Variants in SRBD1 observed in about 807,000 individuals in gnomAD.
SRBD1 encodes the protein S1 RNA-binding domain-containing protein 1.
SRBD1 carries 88 observed loss-of-function variants against 115.3 expected under a neutral mutation model. That is an observed-to-expected ratio of 0.76 (90% CI 0.64 to 0.91). SRBD1 has a LOEUF of 0.91. Ranked by LOEUF, SRBD1 falls within the 40% of genes least tolerant of loss-of-function variation. The probability of loss-of-function intolerance (pLI) is 0.00; values close to 1 mark genes in which losing one functional copy is unlikely to be tolerated. For missense variants in SRBD1, 1,385 were observed against 1,177.4 expected (o/e 1.18, Z -2.58); for synonymous variants, 509 against 407.7 (o/e 1.25, Z -2.99).
At chr2:45,397,396 T>C (rs900294065) in intron 19 of SRBD1, among the ~76,000 whole-genome samples, 69 of 152,208 alleles carry the variant, frequency 4.5e-4, no homozygotes, top group African/African-American at 1.6e-3. Context: ...ATATTAAAAA[T>C]TGAATATAAA....
chr2:45,517,548 C>A (rs900025234), intron 14 of SRBD1, among the ~76,000 whole-genome samples: 7 of 152,192 alleles, frequency 4.6e-5, no homozygotes, highest in African/African-American at 1.7e-4. Flanking sequence ...AGTCATCAAG[C>A]ATTAATCAGA....
At position 45,477,015 on chromosome 2, in the gene SRBD1, T is replaced by G. The variant is rs760087845; in HGVS notation, c.2027A>C (p.His676Pro). The change falls in exon 16 of 21, where the codon CAC (histidine) becomes CCC (proline). Residue 676 changes from histidine (H) to proline (P), a missense_variant. By Grantham distance (77) the His-to-Pro change is moderately conservative. Coordinates refer to ENST00000263736, the MANE Select transcript of SRBD1 (RefSeq NM_018079.5). ...TACCTGATACATTCCAACTCCAATG[T>G]GCTTTGGCTCAATTTTCACTAGCTC... ...LAELVKIEPKHIGVGMYQHDV... is the reference protein window; with the variant it reads ...LAELVKIEPKPIGVGMYQHDV... The G allele has an allele frequency of 1.7e-5, 28 of 1,613,790 alleles. No homozygotes were observed. Among genetic ancestry groups the G allele is most frequent in the Non-Finnish European group, 2.4e-5 (28 of 1,179,880 alleles).
chr2:45,523,209 A>G (rs1671339549), intron 14 of SRBD1, among the ~76,000 whole-genome samples: 1 of 151,806 alleles, frequency 6.6e-6, no homozygotes, highest in Non-Finnish European at 1.5e-5. Context: ...TATAGTTATA[A>G]ATGCCCATAT....
At chr2:45,400,230 G>T (rs1028049300) in intron 19 of SRBD1, among the ~76,000 whole-genome samples, 2 of 152,254 alleles carry the variant, frequency 1.3e-5, no homozygotes, top group Non-Finnish European at 1.5e-5. Flanking sequence ...GACAAGCTAA[G>T]ATTAAAATCC....
intron 4 of SRBD1, 110 bp from the exon 5 acceptor site, chr2:45,585,884 C>T: frequency 7.3e-6 from 6 of 827,394 alleles, no homozygotes; most frequent in Non-Finnish European, 1.0e-5. Flanking sequence ...TTAGAAACTA[C>T]TTGCTATAGT....
intron 4 of SRBD1, among the ~76,000 whole-genome samples, chr2:45,587,136 ATTTT>A (rs1038596780): frequency 7.6e-6 from 1 of 131,034 alleles, no homozygotes; most frequent in Non-Finnish European, 1.5e-5. Flanking sequence ...AATATTTAAA[ATTTT>A]TTAAATATTT....
chr2:45,541,807 T>A (rs957151247), intron 14 of SRBD1, among the ~76,000 whole-genome samples: 1 of 152,214 alleles, frequency 6.6e-6, no homozygotes, highest in African/African-American at 2.4e-5. Context: ...TAGCTGGTAG[T>A]CCCAACATTT....
At chr2:45,477,932 G>T (rs1669852091) in intron 15 of SRBD1, among the ~76,000 whole-genome samples, 1 of 149,698 alleles carries the variant, frequency 6.7e-6, no homozygotes, top group African/African-American at 2.5e-5. Flanking sequence ...TCCTTTAACT[G>T]TGTCATGATT....
At chr2:45,411,719 G>C (rs537724921) in intron 19 of SRBD1, among the ~76,000 whole-genome samples, 1 of 152,216 alleles carries the variant, frequency 6.6e-6, no homozygotes, top group Admixed American at 6.5e-5. Context: ...GAAAAAAATC[G>C]TAAAGAATTA....
At chr2:45,520,880 G>A (rs1671261252) in intron 14 of SRBD1, among the ~76,000 whole-genome samples, 1 of 152,192 alleles carries the variant, frequency 6.6e-6, no homozygotes, top group Non-Finnish European at 1.5e-5. Context: ...AAGTCCATGT[G>A]TAACCCAATT....
rs1394003821 is a variant in SRBD1, at chr2:45,414,765, ATATAGTATG to A, written c.2334-1481_2334-1473del. Among the ~76,000 whole-genome samples, 184 of 125,582 alleles carry A rather than the reference ATATAGTATG, an allele frequency of 1.5e-3. 8 individuals carry two copies. The highest frequency in any genetic ancestry group is 2.5e-3 in the African/African-American group (78 of 30,662). The allele number at this position is 125,582 out of a possible 152,430, so 82.4% of individuals were successfully genotyped here. A position where few individuals can be genotyped will look rare whatever the true frequency, so the allele number is the denominator to read the frequency against. ...TAGTATGTACACACACACAGTGTGTATATAGTATGTACACACACACATAGTGTGTATATA... is the reference window on the plus strand; with the variant it reads ...TAGTATGTACACACACACAGTGTGTATACACACACACATAGTGTGTATATA... On this transcript the variant is annotated intron_variant, in intron 18 of 20. Transcript: ENST00000263736.
At chr2:45,511,154 A>C (rs759664615) in intron 14 of SRBD1, among the ~76,000 whole-genome samples, 2 of 152,196 alleles carry the variant, frequency 1.3e-5, no homozygotes, top group Admixed American at 6.5e-5. Flanking sequence ...AGGAAAATAA[A>C]ATCTACCACC....
chr2:45,438,100 G>A (rs1304437347), intron 16 of SRBD1, among the ~76,000 whole-genome samples: 1 of 152,180 alleles, frequency 6.6e-6, no homozygotes, highest in Non-Finnish European at 1.5e-5. Context: ...GGAGGGGGCT[G>A]TGCATATGTG....
At chr2:45,463,224 T>G (rs1347775400) in intron 16 of SRBD1, among the ~76,000 whole-genome samples, 2 of 152,216 alleles carry the variant, frequency 1.3e-5, no homozygotes, top group Non-Finnish European at 2.9e-5. Flanking sequence ...TGTACCACAT[T>G]ATAAAATCAC....
intron 10 of SRBD1, among the ~76,000 whole-genome samples, chr2:45,559,801 TGGTGGTTCATGCCTGG>T (rs780331443): frequency 5.3e-5 from 8 of 152,120 alleles, no homozygotes; most frequent in Admixed American, 1.3e-4. Flanking sequence ...AGGCCGGGCA[TGGTGGTTCATGCCTGG>T]GGTGGTTCAT....
At chr2:45,517,174 C>T (rs541092177) in intron 14 of SRBD1, among the ~76,000 whole-genome samples, 1 of 152,264 alleles carries the variant, frequency 6.6e-6, no homozygotes, top group South Asian at 2.1e-4. Context: ...ATCATTTAAA[C>T]AGTTTAAAAT....
At chr2:45,437,774 T>C (rs565435628) in intron 16 of SRBD1, among the ~76,000 whole-genome samples, 10 of 152,200 alleles carry the variant, frequency 6.6e-5, no homozygotes, top group Admixed American at 3.9e-4. Flanking sequence ...AAATGAATCA[T>C]AGACCTAAAT....
intron 7 of SRBD1, among the ~76,000 whole-genome samples, chr2:45,578,594 C>A (rs1558490780): frequency 6.6e-6 from 1 of 152,084 alleles, no homozygotes; most frequent in Non-Finnish European, 1.5e-5. Context: ...TAATTTTCTA[C>A]AGATTAGTAC....
intron 19 of SRBD1, among the ~76,000 whole-genome samples, chr2:45,396,435 CT>C (rs1667147935): frequency 6.6e-6 from 1 of 152,116 alleles, no homozygotes; most frequent in African/African-American, 2.4e-5. Context: ...ATTTTCTCCA[CT>C]GTTTTTGGAA....
Sources: gnomAD v4.1 joint callset for allele counts (sites outside exome capture counted in the v4.1 genomes callset) on GRCh38, gnomAD v4.1.1 for gene constraint, MANE v1.5 for transcripts, NCBI Gene and HGNC (gene_info 2026-07-23, HGNC 2026-07-21) for gene names.